The following CBFA2T3 variants were observed in gnomAD, a reference collection of about 807,000 sequenced individuals.
CBFA2T3 encodes CBFA2/RUNX1 partner transcriptional co-repressor 3.
Under a neutral mutation model 58.6 loss-of-function variants are expected in CBFA2T3, and 31 were observed. That is an observed-to-expected ratio of 0.53 (90% CI 0.40 to 0.71). The LOEUF is 0.71. CBFA2T3 is among the 30% of genes least tolerant of loss of function. The pLI is 0.00. For missense variants in CBFA2T3, 1,076 were observed against 963.1 expected, an observed-to-expected ratio of 1.12 and a Z score of -1.55; for synonymous variants, 531 against 421.9, an observed-to-expected ratio of 1.26 and a Z score of -3.17.
chr16:88,958,821 G>A lies in CBFA2T3; in HGVS notation c.151+17836C>T, dbSNP rs961164244. On this transcript the variant is annotated intron_variant, in intron 1 of 11. Coordinates refer to ENST00000268679, the MANE Select transcript of CBFA2T3 (RefSeq NM_005187.6). The surrounding 1 kb of genome is among the most constrained non-coding windows in gnomAD (Gnocchi z 4.0). ...TTCCCGCTGCAGGTGTGGGTCCCCC[G>A]TGGGCAGCTCTCACACCACAGGCCT... Among the ~76,000 whole-genome samples the A allele has an allele frequency of 6.6e-6, 1 of 152,120 alleles. No homozygotes were observed. The highest frequency in any genetic ancestry group is 2.4e-5 in the African/African-American group (1 of 41,428).
At chr16:88,877,873 T>C in intron 11 of CBFA2T3, among the ~76,000 whole-genome samples, 1 of 152,220 alleles carries the variant, frequency 6.6e-6, no homozygotes, top group Non-Finnish European at 1.5e-5. Context: ...TCTTGGGGCC[T>C]GGCTGGATCT....
chr16:88,934,272 C>G lies in CBFA2T3; in HGVS notation c.152-32616G>C, dbSNP rs530947110. Among the ~76,000 whole-genome samples the G allele has an allele frequency of 2.0e-5, 3 of 152,282 alleles. No homozygotes were observed. In the East Asian group the frequency reaches 5.8e-4, roughly 29 times the overall value. Reference sequence around the variant, plus strand: ...GGAGGCACGGGCGAGAAGGGCTGCCCCACAGTGGCTGCTCAGGTCACAGGA... The same window carrying G: ...GGAGGCACGGGCGAGAAGGGCTGCCGCACAGTGGCTGCTCAGGTCACAGGA... On this transcript the variant is annotated intron_variant, in intron 1 of 11. Transcript: ENST00000268679.
intron 1 of CBFA2T3, among the ~76,000 whole-genome samples, chr16:88,923,272 C>T (rs530957076): frequency 1.3e-5 from 2 of 152,212 alleles, no homozygotes; most frequent in Admixed American, 6.5e-5. Flanking sequence ...GGGGGGGACC[C>T]GCACCCCCTC....
At chr16:88,941,071 C>G in intron 1 of CBFA2T3, 1 of 985,534 alleles carries the variant, frequency 1.0e-6, no homozygotes, top group Non-Finnish European at 1.2e-6. Flanking sequence ...ACACTCGCGA[C>G]TCGGTCCGGG....
In CBFA2T3 at chr16:88,928,754, G is replaced by A. The variant is rs148162464; in HGVS notation, c.152-27098C>T. ...GCCCAGGAACACTGTGCAAACGTAC[G>A]AGACCGAGGCTGGGAGGTGTGGTGG... On this transcript the variant is annotated intron_variant, in intron 1 of 11. Transcript: ENST00000268679. 4.4e-3 allele frequency among the ~76,000 whole-genome samples: 664 copies of A among 152,340 alleles called. 2 individuals are homozygous for A. Among genetic ancestry groups the A allele is most frequent in the East Asian group, 0.02 (105 of 5,186 alleles).
chr16:88,911,460 G>C (rs992514089), intron 1 of CBFA2T3, among the ~76,000 whole-genome samples: 4 of 152,256 alleles, frequency 2.6e-5, no homozygotes, highest in African/African-American at 9.6e-5. Context: ...AAACTCAAAA[G>C]CCCTCTGTGG....
intron 1 of CBFA2T3, among the ~76,000 whole-genome samples, chr16:88,974,217 C>CT (rs1173957674): frequency 6.6e-6 from 1 of 152,194 alleles, no homozygotes; most frequent in East Asian, 1.9e-4. Flanking sequence ...GCAAAGTGGG[C>CT]TTGGGGGGAC....
At position 88,898,920 on chromosome 16, in the gene CBFA2T3, A is replaced by G. The variant is rs561859357; in HGVS notation, c.305-768T>C. ...AGCTGAAGTCAGTGGCGCAGGCCAC[A>G]GGAAGACAGGCTCTAGTAAAGACGG... On this transcript the variant is annotated intron_variant, in intron 2 of 11. Coordinates refer to ENST00000268679, the MANE Select transcript of CBFA2T3 (RefSeq NM_005187.6). Among the ~76,000 whole-genome samples the G allele has an allele frequency of 3.9e-5, 6 of 152,378 alleles. No homozygotes were observed. In the South Asian group the frequency reaches 1.2e-3, roughly 32 times the overall value.
intron 1 of CBFA2T3, among the ~76,000 whole-genome samples, chr16:88,961,792 C>T (rs1169438170): frequency 1.2e-4 from 15 of 124,402 alleles, no homozygotes; most frequent in African/African-American, 4.3e-4. Flanking sequence ...GCATAGTAAC[C>T]GACACTCAGC....
Position 88,951,068 on chromosome 16 carries a change from TTCACCCCTCCC to T in CBFA2T3, c.151+25578_151+25588del. ...TGTTGGCACCTGTCTTCCGGATCTG[TTCACCCCTCCC>T]CTGGACCGGCACCGCCACAGAGGGT... On this transcript the variant is annotated intron_variant, in intron 1 of 11. Coordinates refer to ENST00000268679, the MANE Select transcript of CBFA2T3 (RefSeq NM_005187.6). 3 of 379,032 alleles carry T rather than the reference TTCACCCCTCCC, an allele frequency of 7.9e-6. 1 individual carries two copies. The highest frequency in any genetic ancestry group is 1.6e-5 in the Non-Finnish European group (3 of 193,362). The allele number at this position is 379,032 out of a possible 1,614,324, so 23.5% of individuals were successfully genotyped here. A position where few individuals can be genotyped will look rare whatever the true frequency, so the allele number is the denominator to read the frequency against.
intron 1 of CBFA2T3, among the ~76,000 whole-genome samples, chr16:88,908,231 A>G (rs1297107227): frequency 6.6e-6 from 1 of 151,996 alleles, no homozygotes; most frequent in Non-Finnish European, 1.5e-5. Context: ...AATCCCAGCT[A>G]CTTAGGAGGC....
chr16:88,942,001 T>TC (rs1388892379), intron 1 of CBFA2T3, among the ~76,000 whole-genome samples: 1 of 151,150 alleles, frequency 6.6e-6, no homozygotes, highest in East Asian at 2.0e-4. Flanking sequence ...GGGGTCGCGC[T>TC]CCCCCCGCTC....
intron 1 of CBFA2T3, chr16:88,938,073 C>G (rs919595990): frequency 6.6e-6 from 1 of 152,334 alleles, no homozygotes; most frequent in African/African-American, 2.4e-5. Context: ...GAGGTGCAGA[C>G]CTAGAGCAGC....
chr16:88,898,013 G>A (rs1969952609), intron 3 of CBFA2T3, 65 bp downstream of exon 3: 6 of 1,202,826 alleles, frequency 5.0e-6, no homozygotes, highest in Admixed American at 1.7e-5. Flanking sequence ...AGCAGTGTTG[G>A]GCCAGCTGAG....
chr16:88,898,876 G>C (rs1295939231), intron 2 of CBFA2T3, among the ~76,000 whole-genome samples: 2 of 152,246 alleles, frequency 1.3e-5, no homozygotes, highest in Non-Finnish European at 2.9e-5. Context: ...AAAAAAGAAA[G>C]AAAGATTGAA....
chr16:88,973,491 C>T (rs937334421), intron 1 of CBFA2T3, among the ~76,000 whole-genome samples: 1 of 152,186 alleles, frequency 6.6e-6, no homozygotes, highest in Non-Finnish European at 1.5e-5. Flanking sequence ...GCTTGCAGCC[C>T]ATCCTTACTG....
At chr16:88,888,237 T>G (rs1969461590) in intron 5 of CBFA2T3, among the ~76,000 whole-genome samples, 1 of 151,178 alleles carries the variant, frequency 6.6e-6, no homozygotes, top group African/African-American at 2.4e-5. Flanking sequence ...CTGCCGTTTC[T>G]AGGATGATGT....
At chr16:88,893,668 G>A (rs1158436450) in intron 3 of CBFA2T3, among the ~76,000 whole-genome samples, 8 of 152,262 alleles carry the variant, frequency 5.3e-5, no homozygotes, top group Admixed American at 3.9e-4. Context: ...AGGGCCGCCT[G>A]TTGGCCACTG....
chr16:88,880,584 A>G, intron 10 of CBFA2T3, 136 bp downstream of exon 10: 1 of 719,760 alleles, frequency 1.4e-6, no homozygotes, highest in South Asian at 1.7e-5. Flanking sequence ...TGAGCCACAC[A>G]GCGGAATGCA....
Sources: gnomAD v4.1 joint callset for allele counts (sites outside exome capture counted in the v4.1 genomes callset) on GRCh38, gnomAD v4.1.1 for gene constraint, Gnocchi (gnomAD v3.1) non-coding constraint, MANE v1.5 for transcripts, NCBI Gene and HGNC (gene_info 2026-07-23, HGNC 2026-07-21) for gene names.